Variants in BRD8 observed in about 807,000 individuals in gnomAD.
BRD8 encodes the protein bromodomain containing 8.
In BRD8, 67 loss-of-function variants were observed where a neutral mutation model predicts 143.1. The observed-to-expected ratio is 0.47, with a 90% confidence interval of 0.38 to 0.57. The LOEUF (loss-of-function observed/expected upper bound fraction) is 0.57. BRD8 is among the 20% of genes least tolerant of loss of function. BRD8 has a pLI of 0.00. For synonymous variants in BRD8, 505 were observed against 517.1 expected (o/e 0.98, Z 0.32); for missense variants, 1,103 against 1,503.0 (o/e 0.73, Z 4.40).
chr5:138,160,104 T>G lies in BRD8; in HGVS notation c.2497A>C (p.Arg833=). 1 of 1,614,102 alleles carries G rather than the reference T, an allele frequency of 6.2e-7. No homozygotes were observed. The highest frequency in any genetic ancestry group is 8.5e-7 in the Non-Finnish European group (1 of 1,179,976). The part of the protein sequence containing the change: ...SGISAKSLRG[R]DSTRKQDASE... ...GCATCCTGTTTGCGGGTAGAATCTC[T>G]CCCTCGAAGACTTTTAGCACTGATC... Residue 833 remains arginine (R), a synonymous_variant, in exon 19 of 27, where the codon AGA becomes CGA. Coordinates refer to ENST00000254900, the MANE Select transcript of BRD8 (RefSeq NM_139199.2).
At chr5:138,153,310 A>G (rs1752441003) in intron 20 of BRD8, among the ~76,000 whole-genome samples, 1 of 152,088 alleles carries the variant, frequency 6.6e-6, no homozygotes, top group Non-Finnish European at 1.5e-5. Flanking sequence ...CCTTGCTCTC[A>G]TTACACCACT....
At position 138,177,680 on chromosome 5, in the gene BRD8, G is replaced by GGAA. The variant is rs1554104838; in HGVS notation, c.20-14_20-13insTTC. 1.3e-4 allele frequency: 153 copies of GGAA among 1,202,530 alleles called. 1 individual carries two copies. The Middle Eastern group carries it at 2.1e-3, about 16-fold the overall frequency. 74.5% of individuals were successfully genotyped at this position (1,202,530 alleles called of 1,614,324 possible). A position where few individuals can be genotyped will look rare whatever the true frequency, so the allele number is the denominator to read the frequency against. Reference sequence around the variant, plus strand: ...AGCAGCTTGTGTTCTGGGAAAGGGAGAAAAAAAAAAAAGCCTTGGAAACAA... The same window carrying GGAA: ...AGCAGCTTGTGTTCTGGGAAAGGGAGGAAAAAAAAAAAAAAGCCTTGGAAACAA... On this transcript the variant is annotated splice_polypyrimidine_tract_variant and intron_variant, in intron 1 of 26. Coordinates refer to ENST00000254900, the MANE Select transcript of BRD8 (RefSeq NM_139199.2).
At chr5:138,172,898 T>C (rs993351766) in intron 2 of BRD8, 1 of 191,466 alleles carries the variant, frequency 5.2e-6, no homozygotes, top group Admixed American at 5.9e-5. Context: ...TATATAATCA[T>C]TTGTGTTAGA....
chr5:138,144,884 G>C (rs1282063770), intron 25 of BRD8, among the ~76,000 whole-genome samples: 2 of 122,254 alleles, frequency 1.6e-5, no homozygotes, highest in Admixed American at 1.1e-4. Context: ...CTGGGCAACA[G>C]AGTGAGACCC....
chr5:138,163,071 A>AGGAC, intron 15 of BRD8, 59 bp downstream of exon 15: 1 of 1,471,290 alleles, frequency 6.8e-7, no homozygotes, highest in Non-Finnish European at 9.5e-7. Flanking sequence ...GAAGGAAGGA[A>AGGAC]AAGATCCTCT....
chr5:138,163,970 T>G, intron 14 of BRD8, 117 bp downstream of exon 14: 1 of 1,259,928 alleles, frequency 7.9e-7, no homozygotes, highest in Non-Finnish European at 1.1e-6. Flanking sequence ...CCCATGCAAC[T>G]CCATACCAGT....
Position 138,171,415 on chromosome 5 carries a change from TAAAAA to T in BRD8, c.187-10_187-6del. ...CGAGTACTGGGAAGCACAATGCTAT[TAAAAA>T]AAAAAAAAAAAGTGAAAATGTGATG... On this transcript the variant is annotated splice_polypyrimidine_tract_variant and splice_region_variant and intron_variant, in intron 3 of 26. Coordinates refer to ENST00000254900, the MANE Select transcript of BRD8 (RefSeq NM_139199.2). 3.0e-5 allele frequency: 41 copies of T among 1,345,834 alleles called. No homozygotes were observed. Among genetic ancestry groups the T allele is most frequent in the Admixed American group, 6.0e-5 (3 of 49,700 alleles). 83.4% of individuals were successfully genotyped at this position (1,345,834 alleles called of 1,614,324 possible). A position where few individuals can be genotyped will look rare whatever the true frequency, so the allele number is the denominator to read the frequency against.
Position 138,152,552 on chromosome 5 carries a change from C to G in BRD8, c.2786G>C (p.Gly929Ala), listed in dbSNP as rs1157041038. Reference protein sequence around the residue: ...REPSELLVGDGGSEESQEAAR... With the variant: ...REPSELLVGDAGSEESQEAAR... ...CGCTTCCTGAGATTCCTCACTGCCT[C>G]CATCCCCAACAAGCAGTTCACTAGG... The change falls in exon 21 of 27, where the codon GGA becomes GCA. Residue 929 changes from glycine to alanine, a missense_variant. Around this residue, in one of 7 missense-constraint regions of BRD8, gnomAD observed 369 missense variants for 445.5 expected, o/e 0.83. Transcript: ENST00000254900. The G allele has an allele frequency of 1.2e-6, 2 of 1,614,212 alleles. No individual in the cohort carries two copies. The highest frequency in any genetic ancestry group is 1.7e-6 in the Non-Finnish European group (2 of 1,180,040).
chr5:138,148,954 T>C (rs1264991021), intron 23 of BRD8, among the ~76,000 whole-genome samples: 1 of 151,698 alleles, frequency 6.6e-6, no homozygotes, highest in Non-Finnish European at 1.5e-5. Flanking sequence ...TATTCCCAGC[T>C]ACTTGGAAGC....
intron 20 of BRD8, among the ~76,000 whole-genome samples, chr5:138,154,830 CTTTT>C (rs200415636): frequency 4.4e-5 from 6 of 137,408 alleles, no homozygotes; most frequent in South Asian, 4.7e-4. Context: ...AAGTTCATAA[CTTTT>C]TTTTTTTTTT....
Position 138,140,050 on chromosome 5 carries a change from A to ATTCT in BRD8, c.*23_*24insAGAA, listed in dbSNP as rs1324453280. On this transcript the variant is annotated 3_prime_UTR_variant, in exon 27 of 27. Transcript: ENST00000254900. ...TTCCGGGAGAGATTCAAACTCTAGAAAAAGTCAGGATAGCAGCTCCAGGTT... is the reference window on the plus strand; with the variant it reads ...TTCCGGGAGAGATTCAAACTCTAGAATTCTAAAGTCAGGATAGCAGCTCCAGGTT... The ATTCT allele has an allele frequency of 6.3e-7, 1 of 1,580,100 alleles. No homozygotes were observed. Among genetic ancestry groups the ATTCT allele is most frequent in the African/African-American group, 1.3e-5 (1 of 74,300 alleles).
At position 138,166,550 on chromosome 5, in the gene BRD8, G is replaced by A. The variant is rs965876765; in HGVS notation, c.965C>T (p.Pro322Leu). The stretch of plus-strand genomic sequence containing the variant: ...TACACTTTCAGTAGTGGAGACAGCC[G>A]GAGCAGAGGATGGTGCTGGCAGCGC... ...MPALPAPSSA[P>L]AVSTTESVAP... is the part of the protein sequence containing the mutation. Residue 322 changes from proline to leucine, a missense_variant, in exon 10 of 27, where the codon CCG (proline) becomes CTG (leucine). Transcript: ENST00000254900. 5.6e-6 allele frequency: 9 copies of A among 1,613,394 alleles called. No individual in the cohort carries two copies. The highest frequency in any genetic ancestry group is 1.7e-5 in the Admixed American group (1 of 59,942).
intron 6 of BRD8, 74 bp from the exon 7 acceptor site, chr5:138,170,483 T>A: frequency 6.4e-7 from 1 of 1,554,726 alleles, no homozygotes; most frequent in Non-Finnish European, 8.9e-7. Flanking sequence ...CCTTACAAAG[T>A]AATTTTTTTT....
At position 138,139,978 on chromosome 5, in the gene BRD8, A is replaced by G; in HGVS notation, c.*96T>C. Reference sequence around the variant, plus strand: ...AAGGTATTATTCTTGTTGGAAAAGAAAATGAGGACATGGCAAAGAAGTACC... The same window carrying G: ...AAGGTATTATTCTTGTTGGAAAAGAGAATGAGGACATGGCAAAGAAGTACC... On this transcript the variant is annotated 3_prime_UTR_variant, in exon 27 of 27. Coordinates refer to ENST00000254900, the MANE Select transcript of BRD8 (RefSeq NM_139199.2). 1 of 956,916 alleles carries G rather than the reference A, an allele frequency of 1.0e-6. No homozygotes were observed. Among genetic ancestry groups the G allele is most frequent in the Non-Finnish European group, 1.6e-6 (1 of 609,994 alleles). The allele number at this position is 956,916 out of a possible 1,614,324, so 59.3% of individuals were successfully genotyped here. A position where few individuals can be genotyped will look rare whatever the true frequency, so the allele number is the denominator to read the frequency against.
In BRD8 at chr5:138,145,253, G is replaced by A. The variant is rs1337400442; in HGVS notation, c.3369-8C>T. The A allele has an allele frequency of 1.9e-6, 3 of 1,613,496 alleles. No individual in the cohort carries two copies. The highest frequency in any genetic ancestry group is 1.3e-5 in the African/African-American group (1 of 74,864). ...AGAAATGGACTGCTGAACCTGTTAA[G>A]GGACAAACCCAGAGAGGATAAAGAA... On this transcript the variant is annotated splice_region_variant and splice_polypyrimidine_tract_variant and intron_variant, in intron 24 of 26. Transcript: ENST00000254900.
chr5:138,148,296 A>G (rs1581406474), intron 23 of BRD8, among the ~76,000 whole-genome samples: 2 of 152,156 alleles, frequency 1.3e-5, no homozygotes, highest in African/African-American at 4.8e-5. Context: ...CAAGCTTGAC[A>G]TAAACAATCC....
chr5:138,161,343 G>A (rs181604304), intron 17 of BRD8: 1 of 321,854 alleles, frequency 3.1e-6, no homozygotes, highest in African/African-American at 2.1e-5. Context: ...GCACAATCAT[G>A]GTTCACTGCA....
Position 138,171,094 on chromosome 5 carries a change from A to G in BRD8, c.303T>C (p.Thr101=), listed in dbSNP as rs1561619049. The G allele has an allele frequency of 6.2e-7, 1 of 1,613,980 alleles. No homozygotes were observed. The highest frequency in any genetic ancestry group is 1.6e-4 in the Middle Eastern group (1 of 6,062). ...TCTTTAGTTCTTCAACTCGCTCAGC[A>G]GTCAATTTCCGAACAATAACATCTT... ...TVEDVIVRKL[T]AERVEELKKV... is the part of the protein sequence containing the mutation. The change falls in exon 5 of 27, where the codon ACT becomes ACC. Residue 101 remains threonine, a synonymous_variant. Transcript: ENST00000254900.
intron 21 of BRD8, among the ~76,000 whole-genome samples, chr5:138,151,384 G>C (rs746076037): frequency 6.6e-6 from 1 of 152,194 alleles, no homozygotes; most frequent in Non-Finnish European, 1.5e-5. Flanking sequence ...TGCTGATCTT[G>C]ATCTAGGGTC....
Sources: allele counts gnomAD v4.1 joint callset (sites outside exome capture counted in the v4.1 genomes callset), GRCh38; gene constraint gnomAD v4.1.1; regional missense constraint gnomAD v4.1.1; transcripts MANE v1.5; gene names NCBI Gene and HGNC (gene_info 2026-07-23, HGNC 2026-07-21).